The following MRPS18A variants were observed in gnomAD, a reference collection of about 807,000 sequenced individuals.
MRPS18A encodes the protein mitochondrial ribosomal protein S18A, also known as large ribosomal subunit protein mL66.
Under a neutral mutation model 22.7 loss-of-function variants are expected in MRPS18A, and 20 were observed. The observed-to-expected ratio is 0.88, with a 90% confidence interval of 0.62 to 1.28. The LOEUF is 1.28. Ranked by LOEUF, MRPS18A falls within the 50% of genes most tolerant of loss-of-function variation. The pLI, the probability that MRPS18A is intolerant of heterozygous loss-of-function variation, is 0.00. For missense variants in MRPS18A, 294 were observed against 262.6 expected, an observed-to-expected ratio of 1.12 and a Z score of -0.83; for synonymous variants, 106 against 99.1, an observed-to-expected ratio of 1.07 and a Z score of -0.41.
intron 1 of MRPS18A, among the ~76,000 whole-genome samples, chr6:43,683,211 C>G (rs2127952597): frequency 6.6e-6 from 1 of 152,326 alleles, no homozygotes; most frequent in East Asian, 1.9e-4. Context: ...CACGCAGCAA[C>G]TGTGAGCCAG....
At chr6:43,682,639 A>T (rs1342933399) in intron 1 of MRPS18A, among the ~76,000 whole-genome samples, 1 of 152,224 alleles carries the variant, frequency 6.6e-6, no homozygotes, top group Non-Finnish European at 1.5e-5. Flanking sequence ...GTAAAAGAAA[A>T]TGGGTCACCC....
At chr6:43,686,847 T>C (rs1774732793) in intron 1 of MRPS18A, among the ~76,000 whole-genome samples, 1 of 152,256 alleles carries the variant, frequency 6.6e-6, no homozygotes, top group Non-Finnish European at 1.5e-5. Context: ...TCCATCCTTT[T>C]GTGAGCCTGC....
intron 5 of MRPS18A, chr6:43,672,612 C>T (rs894900564): frequency 9.6e-6 from 3 of 313,304 alleles, no homozygotes; most frequent in African/African-American, 6.5e-5. Flanking sequence ...AAAGGCCCAT[C>T]CTTCATTCTG....
chr6:43,683,918 T>G (rs1223750323), intron 1 of MRPS18A, among the ~76,000 whole-genome samples: 1 of 152,104 alleles, frequency 6.6e-6, no homozygotes, highest in East Asian at 1.9e-4. Context: ...AGTACTTCAG[T>G]AAATACTTGC....
intron 1 of MRPS18A, among the ~76,000 whole-genome samples, chr6:43,685,357 T>C (rs1027324473): frequency 6.6e-6 from 1 of 152,218 alleles, no homozygotes; most frequent in African/African-American, 2.4e-5. Context: ...TGGTCAAACT[T>C]TAAACCAGGC....
In MRPS18A at chr6:43,671,588, T is replaced by C; in HGVS notation, c.*174A>G. The C allele has an allele frequency of 1.4e-6, 1 of 708,882 alleles. No individual in the cohort carries two copies. The highest frequency in any genetic ancestry group is 1.8e-5 in the African/African-American group (1 of 56,206). The allele number at this position is 708,882 out of a possible 1,614,324, so 43.9% of individuals were successfully genotyped here. ...TGCCTCTAGCTCCCAGCATTGCTACTGTGCAGGCCAAGGGTACTGAAGTTA... is the reference window on the plus strand; with the variant it reads ...TGCCTCTAGCTCCCAGCATTGCTACCGTGCAGGCCAAGGGTACTGAAGTTA... On this transcript the variant is annotated 3_prime_UTR_variant, in exon 6 of 6. Coordinates refer to ENST00000372133, the MANE Select transcript of MRPS18A (RefSeq NM_018135.4).
intron 2 of MRPS18A, 90 bp from the exon 3 acceptor site, chr6:43,678,715 C>G (rs1239430367): frequency 1.9e-5 from 17 of 906,680 alleles, no homozygotes; most frequent in Non-Finnish European, 2.8e-5. Context: ...GATGGTAATG[C>G]TGGTGAAAGT....
rs1212404107 is a variant in MRPS18A, at chr6:43,671,625, C to G, written c.*137G>C. ...GGGTACTGAAGTTAGTCCCACTGTC[C>G]CCTGTCCATGCATGTTGGAGGGACC... On this transcript the variant is annotated 3_prime_UTR_variant, in exon 6 of 6. Transcript: ENST00000372133. The G allele has an allele frequency of 2.3e-5, 23 of 1,003,090 alleles. No homozygotes were observed. Among genetic ancestry groups the G allele is most frequent in the Admixed American group, 6.0e-5 (3 of 49,588 alleles). 62.1% of individuals were successfully genotyped at this position (1,003,090 alleles called of 1,614,324 possible). A position where few individuals can be genotyped will look rare whatever the true frequency, so the allele number is the denominator to read the frequency against.
At position 43,673,013 on chromosome 6, in the gene MRPS18A, A is replaced by T. The variant is rs1317782035; in HGVS notation, c.447-1107T>A. Among the ~76,000 whole-genome samples the T allele has an allele frequency of 6.9e-6, 1 of 144,616 alleles. No homozygotes were observed. The highest frequency in any genetic ancestry group is 2.1e-4 in the East Asian group (1 of 4,872). 94.9% of individuals were successfully genotyped at this position (144,616 alleles called of 152,430 possible). A position where few individuals can be genotyped will look rare whatever the true frequency, so the allele number is the denominator to read the frequency against. ...TTTTTTTTTTTTTTTTTTGAGGCGA[A>T]GTCTTGCTCTGTTGCCCAAGCTGGA... On this transcript the variant is annotated intron_variant, in intron 5 of 5. Coordinates refer to ENST00000372133, the MANE Select transcript of MRPS18A (RefSeq NM_018135.4). This position sits in a 1 kb window ranked among gnomAD's most constrained non-coding sequence, Gnocchi z 4.2.
At chr6:43,677,233 C>T (rs1254769655) in intron 3 of MRPS18A, among the ~76,000 whole-genome samples, 1 of 152,156 alleles carries the variant, frequency 6.6e-6, no homozygotes, top group African/African-American at 2.4e-5. Flanking sequence ...TGCCCCTTGC[C>T]TGTGTGCTTG....
chr6:43,674,290 T>A (rs1773925883), intron 5 of MRPS18A, among the ~76,000 whole-genome samples: 1 of 152,152 alleles, frequency 6.6e-6, no homozygotes, highest in Admixed American at 6.5e-5. Context: ...GGGGCTGAGG[T>A]GTTTGCTTTG....
intron 3 of MRPS18A, among the ~76,000 whole-genome samples, chr6:43,676,281 A>G (rs1015037779): frequency 6.6e-6 from 1 of 152,218 alleles, no homozygotes; most frequent in South Asian, 2.1e-4. Context: ...GAGACATGCC[A>G]TATGTTTCCA....
At chr6:43,672,384 A>T (rs1773777390) in intron 5 of MRPS18A, 1 of 471,534 alleles carries the variant, frequency 2.1e-6, no homozygotes, top group African/African-American at 2.0e-5. Flanking sequence ...CCCCTCACCC[A>T]ACCTGTGATG....
chr6:43,686,740 C>G (rs140981228), intron 1 of MRPS18A, among the ~76,000 whole-genome samples: 3 of 152,230 alleles, frequency 2.0e-5, no homozygotes, highest in Non-Finnish European at 4.4e-5. Flanking sequence ...CAAAAAACCC[C>G]ACATCTCTTC....
rs568509997 is a variant in MRPS18A at position 43,678,530 on chromosome 6, C to T, written c.240G>A (p.Lys80=). The T allele has an allele frequency of 4.3e-6, 7 of 1,611,478 alleles. No individual in the cohort carries two copies. The African/African-American group carries it at 5.3e-5, about 12-fold the overall frequency. Residue 80 remains lysine (K), a synonymous_variant, in exon 3 of 6, where the codon AAG becomes AAA. Transcript: ENST00000372133. Reference sequence around the variant, plus strand: ...TACCCAGACTCACGTCATAGTTATACTTGTGCTTCAGGTTCCAACGGCAGA... The same window carrying T: ...TACCCAGACTCACGTCATAGTTATATTTGTGCTTCAGGTTCCAACGGCAGA... ...CPICRWNLKH[K]YNYDDVLLLS...
rs754677468 is a variant in MRPS18A, at chr6:43,681,074, C to T, written c.144+15G>A. 1.7e-5 allele frequency: 28 copies of T among 1,612,928 alleles called. No homozygotes were observed. The highest frequency in any genetic ancestry group is 2.0e-5 in the Non-Finnish European group (23 of 1,179,136). On this transcript the variant is annotated intron_variant, in intron 2 of 5. Transcript: ENST00000372133. ...CGTTAAAGAGGTTATACATGGCCAA[C>T]TCAACGATACTTACTATAGTTGTCT...
At chr6:43,683,090 A>T (rs1774504276) in intron 1 of MRPS18A, among the ~76,000 whole-genome samples, 1 of 152,180 alleles carries the variant, frequency 6.6e-6, no homozygotes, top group Non-Finnish European at 1.5e-5. Flanking sequence ...AACAAGTCTA[A>T]CAAAACACAC....
At position 43,673,522 on chromosome 6, in the gene MRPS18A, G is replaced by A. The variant is rs1472350657; in HGVS notation, c.447-1616C>T. Among the ~76,000 whole-genome samples, 3 of 152,208 alleles carry A rather than the reference G, an allele frequency of 2.0e-5. No individual in the cohort carries two copies. Among genetic ancestry groups the A allele is most frequent in the Non-Finnish European group, 4.4e-5 (3 of 68,036 alleles). On this transcript the variant is annotated intron_variant, in intron 5 of 5. Coordinates refer to ENST00000372133, the MANE Select transcript of MRPS18A (RefSeq NM_018135.4). This position sits in a 1 kb window ranked among gnomAD's most constrained non-coding sequence, Gnocchi z 4.2. ...TCCCATGCCTTGGAGAGGGAAGCTG[G>A]GCTTTAGCTGGCCTTGGGCCTGATG...
intron 3 of MRPS18A, among the ~76,000 whole-genome samples, chr6:43,677,202 A>G (rs1475461246): frequency 2.0e-5 from 3 of 152,178 alleles, no homozygotes; most frequent in African/African-American, 4.8e-5. Flanking sequence ...TAACTTCCGC[A>G]TGGTGAGCGG....
Sources: allele counts gnomAD v4.1 joint callset (sites outside exome capture counted in the v4.1 genomes callset), GRCh38; gene constraint gnomAD v4.1.1; non-coding constraint Gnocchi (gnomAD v3.1); transcripts MANE v1.5; gene names NCBI Gene and HGNC (gene_info 2026-07-23, HGNC 2026-07-21).